Variants in RPS6KC1 observed in about 807,000 individuals in gnomAD.
The protein encoded by RPS6KC1 is ribosomal protein S6 kinase C1.
A neutral mutation model predicts 103.8 loss-of-function variants in RPS6KC1; 54 were observed. That is an observed-to-expected ratio of 0.52 (90% CI 0.42 to 0.65). The LOEUF is 0.65. Among genes scored for constraint, RPS6KC1 ranks in the 30% least tolerant of loss-of-function variants. The pLI is 0.00. For missense variants in RPS6KC1, 1,151 were observed against 1,253.8 expected (o/e 0.92, Z 1.24); for synonymous variants, 439 against 438.7 (o/e 1.00, Z -0.01).
chr1:213,838,852 A>T, the RPS6KC1 span, among the ~76,000 whole-genome samples: 1 of 152,200 alleles, frequency 6.6e-6, no homozygotes, highest in African/African-American at 2.4e-5. Flanking sequence ...CTAGAGAGAA[A>T]TTAATTCTTC....
chr1:213,690,782 GA>G, the RPS6KC1 span, among the ~76,000 whole-genome samples: 1 of 152,182 alleles, frequency 6.6e-6, no homozygotes, highest in African/African-American at 2.4e-5. Flanking sequence ...TTTTGTTGGG[GA>G]AGGTTAAATA....
chr1:213,151,922 G>C lies in RPS6KC1; in HGVS notation c.836-15936G>C, dbSNP rs548707300. On this transcript the variant is annotated intron_variant, in intron 6 of 14. Transcript: ENST00000366960. The stretch of plus-strand genomic sequence containing the variant: ...TCCAAGACGGGGCGGCTGGCCGGGC[G>C]GGGGGCTGACCCCCCCACCTCCCTC... Among the ~76,000 whole-genome samples the C allele has an allele frequency of 5.1e-5, 6 of 117,214 alleles. No individual in the cohort carries two copies. In the South Asian group the frequency reaches 1.2e-3, roughly 23 times the overall value. 76.9% of individuals were successfully genotyped at this position (117,214 alleles called of 152,430 possible).
At chr1:213,499,344 A>C in the RPS6KC1 span, among the ~76,000 whole-genome samples, 1 of 152,200 alleles carries the variant, frequency 6.6e-6, no homozygotes, top group African/African-American at 2.4e-5. Context: ...TGTGAACACC[A>C]TGGAGCCCCG....
At chr1:213,681,196 C>A in the RPS6KC1 span, among the ~76,000 whole-genome samples, 1 of 152,146 alleles carries the variant, frequency 6.6e-6, no homozygotes, top group Non-Finnish European at 1.5e-5. Context: ...TGCTCTGTTC[C>A]CCAGACACCG....
At chr1:213,523,086 CA>C in the RPS6KC1 span, among the ~76,000 whole-genome samples, 1 of 152,142 alleles carries the variant, frequency 6.6e-6, no homozygotes, top group Non-Finnish European at 1.5e-5. Flanking sequence ...TTCACTTGAG[CA>C]ATTACAGACC....
At chr1:213,240,113 TATATAAC>T (rs1272242007) in intron 10 of RPS6KC1, among the ~76,000 whole-genome samples, 7 of 152,174 alleles carry the variant, frequency 4.6e-5, no homozygotes, top group African/African-American at 1.7e-4. Flanking sequence ...TAGCTTTACT[TATATAAC>T]ATATTACATG....
the RPS6KC1 span, among the ~76,000 whole-genome samples, chr1:213,572,455 GA>G: frequency 2.0e-5 from 3 of 152,204 alleles, no homozygotes; most frequent in Non-Finnish European, 4.4e-5. Context: ...TTGATAAAAA[GA>G]TGGTCCTTCT....
the RPS6KC1 span, among the ~76,000 whole-genome samples, chr1:213,340,812 A>G: frequency 6.6e-6 from 1 of 151,150 alleles, no homozygotes; most frequent in Non-Finnish European, 1.5e-5. Context: ...GTGAATGGAC[A>G]GAAGTGTGAG....
chr1:213,852,062 C>T, the RPS6KC1 span, among the ~76,000 whole-genome samples: 2 of 152,198 alleles, frequency 1.3e-5, no homozygotes, highest in Non-Finnish European at 2.9e-5. Context: ...ACTGTTCTCT[C>T]TCCTTAAAAC....
chr1:213,418,999 A>G, the RPS6KC1 span, among the ~76,000 whole-genome samples: 1 of 152,192 alleles, frequency 6.6e-6, no homozygotes, highest in Non-Finnish European at 1.5e-5. Flanking sequence ...TTCTGAATTG[A>G]GCCCAAGCTC....
At chr1:213,706,767 C>G in the RPS6KC1 span, among the ~76,000 whole-genome samples, 2 of 152,006 alleles carry the variant, frequency 1.3e-5, no homozygotes, top group Admixed American at 6.6e-5. Context: ...TCTCATTGTT[C>G]AATTCTCACT....
chr1:213,603,017 G>T, the RPS6KC1 span, among the ~76,000 whole-genome samples: 2 of 152,192 alleles, frequency 1.3e-5, no homozygotes, highest in Admixed American at 1.3e-4. Flanking sequence ...GTGTCCTGTT[G>T]TGTTAGTGGA....
At chr1:213,855,076 A>T in the RPS6KC1 span, among the ~76,000 whole-genome samples, 6 of 152,314 alleles carry the variant, frequency 3.9e-5, no homozygotes, top group Admixed American at 3.9e-4. Flanking sequence ...TCTAATAAGG[A>T]TGCTAGCCCC....
the RPS6KC1 span, among the ~76,000 whole-genome samples, chr1:213,491,953 A>C: frequency 6.6e-6 from 1 of 152,140 alleles, no homozygotes; most frequent in Non-Finnish European, 1.5e-5. Flanking sequence ...TGCTTTTTGC[A>C]AGGGACTGTG....
chr1:213,808,095 T>C, the RPS6KC1 span, among the ~76,000 whole-genome samples: 2 of 152,150 alleles, frequency 1.3e-5, no homozygotes, highest in African/African-American at 2.4e-5. Context: ...ACAGTGGTTT[T>C]TCGTGAACTG....
At chr1:213,409,266 C>T in the RPS6KC1 span, among the ~76,000 whole-genome samples, 3 of 151,956 alleles carry the variant, frequency 2.0e-5, no homozygotes, top group African/African-American at 4.8e-5. Flanking sequence ...ATGGCCAAAA[C>T]CGCAATTACT....
chr1:213,327,090 A>T, the RPS6KC1 span, among the ~76,000 whole-genome samples: 1 of 149,812 alleles, frequency 6.7e-6, no homozygotes, highest in African/African-American at 2.5e-5. Context: ...AAGTTGAATT[A>T]AACCCTTGTT....
chr1:213,430,392 A>G, the RPS6KC1 span, among the ~76,000 whole-genome samples: 3 of 152,214 alleles, frequency 2.0e-5, no homozygotes, highest in South Asian at 6.2e-4. Context: ...TGTGTGCAAT[A>G]TCATGAATAA....
the RPS6KC1 span, among the ~76,000 whole-genome samples, chr1:213,638,732 A>G: frequency 6.6e-6 from 1 of 152,246 alleles, no homozygotes; most frequent in East Asian, 1.9e-4. Context: ...ATCCTTTACC[A>G]ATACCATGTG....
Sources: gnomAD v4.1 joint callset for allele counts (sites outside exome capture counted in the v4.1 genomes callset) on GRCh38, gnomAD v4.1.1 for gene constraint, MANE v1.5 for transcripts, NCBI Gene and HGNC (gene_info 2026-07-23, HGNC 2026-07-21) for gene names.